SLC38A12: variants seen among roughly 807,000 people sequenced by gnomAD.
SLC38A12 encodes the protein putative sodium-coupled neutral amino acid transporter 12.
the SLC38A12 span, among the ~76,000 whole-genome samples, chr17:74,794,247 C>G: frequency 7.5e-3 from 1,137 of 152,340 alleles, 11 homozygotes; most frequent in African/African-American, 0.026. Context: ...GGTCCTGAAA[C>G]AAGTCTGATG....
chr17:74,835,763 T>G, the SLC38A12 span, among the ~76,000 whole-genome samples: 1 of 152,306 alleles, frequency 6.6e-6, no homozygotes, highest in East Asian at 1.9e-4. Flanking sequence ...CTTCCTCTGA[T>G]GAGCAGCCAC....
At chr17:74,823,851 T>G in the SLC38A12 span, among the ~76,000 whole-genome samples, 1 of 152,260 alleles carries the variant, frequency 6.6e-6, no homozygotes, top group Non-Finnish European at 1.5e-5. Flanking sequence ...CAGGCGGCAT[T>G]TACTCCCAAG....
chr17:74,819,096 G>A, the SLC38A12 span, among the ~76,000 whole-genome samples: 1 of 152,230 alleles, frequency 6.6e-6, no homozygotes, highest in East Asian at 1.9e-4. Context: ...GAACTTCTTT[G>A]CCCTGGTTTT....
chr17:74,822,337 G>A, the SLC38A12 span, among the ~76,000 whole-genome samples: 1 of 152,180 alleles, frequency 6.6e-6, no homozygotes, highest in Non-Finnish European at 1.5e-5. Context: ...ATCAACTCCT[G>A]TTTCCCCCAG....
the SLC38A12 span, chr17:74,785,717 G>A: frequency 1.5e-3 from 2,069 of 1,385,486 alleles, 2 homozygotes; most frequent in Non-Finnish European, 1.8e-3. Context: ...TGTCTACCCC[G>A]TATCGAGCTC....
At chr17:74,830,977 T>A in the SLC38A12 span, among the ~76,000 whole-genome samples, 1 of 152,240 alleles carries the variant, frequency 6.6e-6, no homozygotes, top group East Asian at 1.9e-4. Context: ...GCTCTGCCTA[T>A]GGGTGTCCTC....
the SLC38A12 span, among the ~76,000 whole-genome samples, chr17:74,834,031 C>G: frequency 6.6e-6 from 1 of 152,118 alleles, no homozygotes; most frequent in Non-Finnish European, 1.5e-5. Context: ...CCTGTCTGCT[C>G]TCTCCCCGGT....
chr17:74,785,537 C>T, the SLC38A12 span: 1 of 1,614,156 alleles, frequency 6.2e-7, no homozygotes, highest in Non-Finnish European at 8.5e-7. Flanking sequence ...CTCACCATGC[C>T]CAAGGCATTC....
chr17:74,791,826 C>T, the SLC38A12 span, among the ~76,000 whole-genome samples: 1 of 152,204 alleles, frequency 6.6e-6, no homozygotes, highest in African/African-American at 2.4e-5. Context: ...CATGGCAAAT[C>T]TGGTTCTTTT....
the SLC38A12 span, among the ~76,000 whole-genome samples, chr17:74,828,212 C>A: frequency 6.6e-6 from 1 of 152,212 alleles, no homozygotes; most frequent in Non-Finnish European, 1.5e-5. Context: ...GCTTGGGGCG[C>A]CCTGACCTCA....
chr17:74,835,963 T>A, the SLC38A12 span: 2 of 1,611,080 alleles, frequency 1.2e-6, no homozygotes, highest in South Asian at 1.1e-5. Context: ...CTGATCCGCA[T>A]CGGGCACGGA....
At chr17:74,807,206 T>G in the SLC38A12 span, among the ~76,000 whole-genome samples, 1 of 150,748 alleles carries the variant, frequency 6.6e-6, no homozygotes, top group Non-Finnish European at 1.5e-5. Flanking sequence ...AGAGGAGCGT[T>G]CGTCTAGTCC....
At chr17:74,807,550 C>T in the SLC38A12 span, among the ~76,000 whole-genome samples, 1 of 152,238 alleles carries the variant, frequency 6.6e-6, no homozygotes, top group South Asian at 2.1e-4. Flanking sequence ...ACAGCCAGCC[C>T]CTCCTTTCCC....
chr17:74,809,170 G>C, the SLC38A12 span, among the ~76,000 whole-genome samples: 6 of 152,318 alleles, frequency 3.9e-5, 1 homozygote, highest in Admixed American at 3.3e-4. Context: ...TTCAGAGGAG[G>C]TGGTTCAGAA....
chr17:74,787,371 C>T, the SLC38A12 span, among the ~76,000 whole-genome samples: 1 of 147,272 alleles, frequency 6.8e-6, no homozygotes, highest in African/African-American at 2.5e-5. Flanking sequence ...ACCTGTAATC[C>T]CAGCACTTTG....
chr17:74,809,287 A>C, the SLC38A12 span, among the ~76,000 whole-genome samples: 1 of 152,128 alleles, frequency 6.6e-6, no homozygotes, highest in Admixed American at 6.5e-5. Flanking sequence ...TCAAACATTC[A>C]AAGACGGTCC....
At chr17:74,786,515 A>G in the SLC38A12 span, among the ~76,000 whole-genome samples, 29 of 152,222 alleles carry the variant, frequency 1.9e-4, no homozygotes, top group Non-Finnish European at 4.0e-4. Context: ...GGTAAATGGA[A>G]GAGTGAGCCG....
At chr17:74,811,611 C>T in the SLC38A12 span, among the ~76,000 whole-genome samples, 7 of 150,812 alleles carry the variant, frequency 4.6e-5, no homozygotes, top group Non-Finnish European at 1.0e-4. Context: ...GCCCCAGCTA[C>T]CTGGGAGGCT....
the SLC38A12 span, among the ~76,000 whole-genome samples, chr17:74,830,331 C>T: frequency 2.0e-5 from 3 of 152,224 alleles, no homozygotes; most frequent in Admixed American, 6.5e-5. Context: ...TATAAACCAG[C>T]GCCACCTTTG....
Sources: gnomAD v4.1 joint callset for allele counts (sites outside exome capture counted in the v4.1 genomes callset) on GRCh38, gnomAD v4.1.1 for gene constraint, MANE v1.5 for transcripts, NCBI Gene and HGNC (gene_info 2026-07-23, HGNC 2026-07-21) for gene names.